SNX29: variants seen among roughly 807,000 people sequenced by gnomAD.
SNX29 encodes the protein sorting nexin 29, also known as sorting nexin-29.
SNX29 carries 78 observed loss-of-function variants against 102.1 expected under a neutral mutation model. The ratio of observed to expected loss-of-function variants is 0.76; its 90% CI spans 0.64 to 0.92. The LOEUF (loss-of-function observed/expected upper bound fraction) is 0.92. SNX29 is among the 40% of genes least tolerant of loss of function. The pLI, the probability that SNX29 is intolerant of heterozygous loss-of-function variation, is 0.00. For synonymous variants in SNX29, 580 were observed against 414.5 expected, an observed-to-expected ratio of 1.40 and a Z score of -4.85; for missense variants, 1,280 against 1,061.7, an observed-to-expected ratio of 1.21 and a Z score of -2.86.
intron 19 of SNX29, among the ~76,000 whole-genome samples, chr16:12,516,495 A>AAG (rs2089872554): frequency 6.6e-6 from 1 of 151,152 alleles, no homozygotes; most frequent in Non-Finnish European, 1.5e-5. Flanking sequence ...AAAAAAAAAA[A>AAG]AAAAAGGTGC....
At chr16:12,233,796 C>A (rs1242050966) in intron 14 of SNX29, among the ~76,000 whole-genome samples, 5 of 152,140 alleles carry the variant, frequency 3.3e-5, no homozygotes, top group African/African-American at 1.2e-4. Context: ...GCACCATTCT[C>A]CTTCCTGTCT....
chr16:12,115,094 T>C (rs2053642572), intron 11 of SNX29, among the ~76,000 whole-genome samples: 1 of 152,060 alleles, frequency 6.6e-6, no homozygotes, highest in Non-Finnish European at 1.5e-5. Flanking sequence ...TTTAGTACAG[T>C]CAAGCCCAGA....
At chr16:12,016,447 C>G (rs2056851928) in intron 3 of SNX29, among the ~76,000 whole-genome samples, 1 of 152,172 alleles carries the variant, frequency 6.6e-6, no homozygotes, top group Non-Finnish European at 1.5e-5. Flanking sequence ...ACAATAATTT[C>G]ACTGGCACAA....
chr16:12,439,486 A>G (rs1324546138), intron 18 of SNX29, among the ~76,000 whole-genome samples: 1 of 152,244 alleles, frequency 6.6e-6, no homozygotes, highest in Admixed American at 6.5e-5. Flanking sequence ...GAGGCCTCAC[A>G]ATCATGGCGG....
At chr16:12,549,649 A>C (rs980699011) in intron 20 of SNX29, among the ~76,000 whole-genome samples, 1 of 152,230 alleles carries the variant, frequency 6.6e-6, no homozygotes, top group Non-Finnish European at 1.5e-5. Context: ...ATAGCTGCCG[A>C]AACCAGCTTG....
chr16:12,256,956 G>A (rs1038389023), intron 14 of SNX29, among the ~76,000 whole-genome samples: 3 of 152,216 alleles, frequency 2.0e-5, no homozygotes, highest in African/African-American at 7.2e-5. Flanking sequence ...TTCTTTTGGT[G>A]TGGCAACAAA....
intron 16 of SNX29, among the ~76,000 whole-genome samples, chr16:12,381,849 C>T (rs1288052426): frequency 6.8e-6 from 1 of 147,920 alleles, no homozygotes; most frequent in Non-Finnish European, 1.5e-5. Context: ...ACCCATTATC[C>T]ATCCACTCAC....
chr16:12,235,698 CA>C (rs376327431), intron 14 of SNX29, among the ~76,000 whole-genome samples: 18 of 152,172 alleles, frequency 1.2e-4, no homozygotes, highest in African/African-American at 4.3e-4. Context: ...CTTGCATCCA[CA>C]TTTTTTTTAT....
chr16:12,052,093 A>C lies in SNX29; in HGVS notation c.995A>C (p.Asn332Thr), dbSNP rs144601555. 141 of 1,613,832 alleles carry C rather than the reference A, an allele frequency of 8.7e-5. No individual in the cohort carries two copies. The highest frequency in any genetic ancestry group is 1.1e-4 in the Non-Finnish European group (135 of 1,179,858). The change falls in exon 8 of 21, where the codon AAC becomes ACC. Residue 332 changes from asparagine to threonine, a missense_variant. By Grantham distance (65) the Asn-to-Thr change is moderately conservative (BLOSUM62 0). Coordinates refer to ENST00000566228, the MANE Select transcript of SNX29 (RefSeq NM_032167.5). Reference sequence around the variant, plus strand: ...TGGAAAATTGATTCCCTGTCTTTGAACGGGGAGTTTGGGTACCAGAAGCTT... The same window carrying C: ...TGGAAAATTGATTCCCTGTCTTTGACCGGGGAGTTTGGGTACCAGAAGCTT... ...NSWKIDSLSL[N>T]GEFGYQKLDV...
At chr16:11,986,749 G>A (rs1471214226) in intron 1 of SNX29, among the ~76,000 whole-genome samples, 1 of 152,180 alleles carries the variant, frequency 6.6e-6, no homozygotes, top group African/African-American at 2.4e-5. Flanking sequence ...GGGCCAGATA[G>A]TAAATATTTT....
chr16:12,349,707 T>C (rs1044425594), intron 15 of SNX29, among the ~76,000 whole-genome samples: 1 of 152,240 alleles, frequency 6.6e-6, no homozygotes, highest in South Asian at 2.1e-4. Flanking sequence ...CAGGCGTTGA[T>C]AGCATTGGTT....
At chr16:12,165,597 G>T (rs1159002025) in intron 13 of SNX29, among the ~76,000 whole-genome samples, 9 of 152,136 alleles carry the variant, frequency 5.9e-5, no homozygotes, top group Non-Finnish European at 1.3e-4. Flanking sequence ...GTCTTGCTCT[G>T]TCACCCAGAC....
At chr16:12,548,806 T>C (rs988981135) in intron 20 of SNX29, among the ~76,000 whole-genome samples, 6 of 151,788 alleles carry the variant, frequency 4.0e-5, no homozygotes, top group African/African-American at 1.5e-4. Flanking sequence ...GCTGGGCTGT[T>C]GTTTTCCTAT....
rs200226941 is a variant in SNX29 at position 12,568,518 on chromosome 16, G to A, written c.2331G>A (p.Pro777=). 283 of 1,609,624 alleles carry A rather than the reference G, an allele frequency of 1.8e-4. 1 individual carries two copies. The highest frequency in any genetic ancestry group is 1.5e-4 in the South Asian group (14 of 91,060). Residue 777 remains proline, a synonymous_variant, in exon 21 of 21, where the codon CCG becomes CCA. Coordinates refer to ENST00000566228, the MANE Select transcript of SNX29 (RefSeq NM_032167.5). The stretch of plus-strand genomic sequence containing the variant: ...CCTGCTCTTTCAGCGACATCACCCC[G>A]CCCGGAGAGCCTGTGAACAGCCGGC... The part of the protein sequence containing the change: ...QLMPFFVDIT[P]PGEPVNSRPK...
At chr16:12,350,701 C>T (rs900710414) in intron 15 of SNX29, among the ~76,000 whole-genome samples, 7 of 152,296 alleles carry the variant, frequency 4.6e-5, no homozygotes, top group Non-Finnish European at 7.3e-5. Context: ...GCCCAACTGC[C>T]GTTCAAAGCT....
intron 18 of SNX29, among the ~76,000 whole-genome samples, chr16:12,476,421 T>TATATATATACATAC (rs2087639179): frequency 3.8e-5 from 2 of 51,980 alleles, no homozygotes; most frequent in African/African-American, 1.3e-4. Context: ...TACATATATA[T>TATATATATACATAC]ATATATATAT....
At chr16:12,529,450 T>G (rs1228855558) in intron 20 of SNX29, among the ~76,000 whole-genome samples, 2 of 152,228 alleles carry the variant, frequency 1.3e-5, no homozygotes, top group Non-Finnish European at 2.9e-5. Context: ...TCAGTGAGAC[T>G]GGACCGCAAA....
chr16:12,384,508 A>G (rs1411962741), intron 16 of SNX29, among the ~76,000 whole-genome samples: 1 of 152,154 alleles, frequency 6.6e-6, no homozygotes, highest in African/African-American at 2.4e-5. Context: ...AGCCATTTGT[A>G]TGTCTACTTT....
intron 15 of SNX29, among the ~76,000 whole-genome samples, chr16:12,313,829 T>C (rs1175720899): frequency 6.6e-6 from 1 of 152,252 alleles, no homozygotes; most frequent in African/African-American, 2.4e-5. Flanking sequence ...TTGAATCCTA[T>C]GACAATGGCT....
Sources: allele counts gnomAD v4.1 joint callset (sites outside exome capture counted in the v4.1 genomes callset), GRCh38; gene constraint gnomAD v4.1.1; transcripts MANE v1.5; gene names NCBI Gene and HGNC (gene_info 2026-07-23, HGNC 2026-07-21).